PLCXD2: variants seen among roughly 807,000 people sequenced by gnomAD.
PLCXD2 encodes PI-PLC X domain-containing protein 2.
Under a neutral mutation model 28.6 loss-of-function variants are expected in PLCXD2, and 21 were observed. The observed-to-expected ratio is 0.73, with a 90% CI of 0.52 to 1.06. PLCXD2 has a LOEUF of 1.06. PLCXD2 is among the 50% of genes least tolerant of loss of function. The pLI is 0.00. For synonymous variants in PLCXD2, 140 were observed against 150.1 expected (o/e 0.93, Z 0.49); for missense variants, 369 against 376.7 (o/e 0.98, Z 0.17).
chr3:111,708,135 G>A lies in PLCXD2; in HGVS notation c.373G>A (p.Asp125Asn), dbSNP rs768160911. 1.6e-5 allele frequency: 26 copies of A among 1,614,074 alleles called. No individual in the cohort carries two copies. In the East Asian group the frequency reaches 1.8e-4, roughly 11 times the overall value. Residue 125 changes from aspartate to asparagine, a missense_variant, in exon 2 of 5, where the codon GAC becomes AAC. Physicochemically the swap from Asp to Asn is conservative, Grantham distance 23 (BLOSUM62 1). Coordinates refer to ENST00000477665, the MANE Select transcript of PLCXD2 (RefSeq NM_001185106.1). ...TGTGTCTTCCAAACCAGGGGATGCC[G>A]ACCAGGAGATCTACTTCATCCATGG...
intron 1 of PLCXD2, among the ~76,000 whole-genome samples, chr3:111,680,171 C>T (rs905376490): frequency 2.0e-5 from 3 of 152,196 alleles, no homozygotes; most frequent in East Asian, 1.9e-4. Flanking sequence ...CGCACACCCT[C>T]TTCCCACATG....
At chr3:111,708,439 CT>C in intron 2 of PLCXD2, 53 bp downstream of exon 2, 1 of 1,505,452 alleles carries the variant, frequency 6.6e-7, no homozygotes, top group Non-Finnish European at 9.1e-7. Context: ...ACTCTTCCTG[CT>C]TTTCCTGTAT....
chr3:111,679,551 T>A (rs1193820012), intron 1 of PLCXD2, among the ~76,000 whole-genome samples: 2 of 152,200 alleles, frequency 1.3e-5, no homozygotes, highest in African/African-American at 4.8e-5. Flanking sequence ...ATGGAAAGTA[T>A]GGAGTAAGAA....
At chr3:111,707,722 C>T (rs1408064472) in intron 1 of PLCXD2, among the ~76,000 whole-genome samples, 2 of 152,156 alleles carry the variant, frequency 1.3e-5, no homozygotes, top group Non-Finnish European at 2.9e-5. Flanking sequence ...TATAGTATTA[C>T]CCCAGGCTTA....
intron 1 of PLCXD2, among the ~76,000 whole-genome samples, chr3:111,706,671 A>C (rs560659689): frequency 1.3e-5 from 2 of 151,984 alleles, no homozygotes; most frequent in African/African-American, 4.8e-5. Context: ...ACACAACTAT[A>C]TACTGCCCAC....
intron 3 of PLCXD2, chr3:111,726,606 G>T (rs768747337): frequency 6.6e-6 from 1 of 152,056 alleles, no homozygotes; most frequent in Non-Finnish European, 1.5e-5. Context: ...TTAAAATTTT[G>T]CACATATGCT....
rs1473604095 is a variant in PLCXD2, at chr3:111,708,178, T to C, written c.416T>C (p.Val139Ala). 5 of 1,614,080 alleles carry C rather than the reference T, an allele frequency of 3.1e-6. No individual in the cohort carries two copies. Among genetic ancestry groups the C allele is most frequent in the Non-Finnish European group, 4.2e-6 (5 of 1,180,038 alleles). Residue 139 changes from valine to alanine, a missense_variant, in exon 2 of 5, where the codon GTC becomes GCC. Coordinates refer to ENST00000477665, the MANE Select transcript of PLCXD2 (RefSeq NM_001185106.1). ...ATCCATGGGCTTTTTGGCATCAAGG[T>C]CTGGGATGGGCTGATGGAAATTGAC...
chr3:111,726,557 T>C (rs1359693774), intron 3 of PLCXD2: 3 of 152,188 alleles, frequency 2.0e-5, no homozygotes, highest in Non-Finnish European at 2.9e-5. Context: ...CTAAGTAAAA[T>C]GATAATAATA....
rs1409066431 is a variant in PLCXD2, at chr3:111,675,333, G to A, written c.88G>A (p.Val30Ile). ...CAGCGGGACAAAGACATCATCGGAG[G>A]TCTGCAATGCCGACTGGATGGCCTC... is the stretch of plus-strand genomic sequence containing the variant. Residue 30 changes from valine to isoleucine, a missense_variant, in exon 1 of 5, where the codon GTC (valine) becomes ATC (isoleucine). Coordinates refer to ENST00000477665, the MANE Select transcript of PLCXD2 (RefSeq NM_001185106.1). The A allele has an allele frequency of 5.0e-6, 8 of 1,614,114 alleles. No homozygotes were observed. In the South Asian group the frequency reaches 6.6e-5, roughly 13 times the overall value.
At chr3:111,680,596 T>C (rs1204032164) in intron 1 of PLCXD2, among the ~76,000 whole-genome samples, 3 of 152,226 alleles carry the variant, frequency 2.0e-5, no homozygotes, top group Non-Finnish European at 4.4e-5. Flanking sequence ...GTTCCATTAG[T>C]AGGTTTCACT....
At chr3:111,695,665 T>A (rs1295253985) in intron 1 of PLCXD2, among the ~76,000 whole-genome samples, 1 of 152,200 alleles carries the variant, frequency 6.6e-6, no homozygotes, top group African/African-American at 2.4e-5. Flanking sequence ...TAGGGAAAGA[T>A]TATCTGTTGA....
chr3:111,675,953 C>A (rs1421485299), intron 1 of PLCXD2, among the ~76,000 whole-genome samples: 1 of 152,188 alleles, frequency 6.6e-6, no homozygotes, highest in Non-Finnish European at 1.5e-5. Context: ...TGCAGACTCT[C>A]ATCACAGGCA....
chr3:111,699,231 C>T (rs1008519662), intron 1 of PLCXD2, among the ~76,000 whole-genome samples: 6 of 152,160 alleles, frequency 3.9e-5, no homozygotes, highest in Admixed American at 6.5e-5. Context: ...CTCAATCTTC[C>T]CTCCATGGCT....
intron 2 of PLCXD2, among the ~76,000 whole-genome samples, chr3:111,713,402 A>G (rs184556459): frequency 2.6e-5 from 4 of 152,338 alleles, no homozygotes; most frequent in Non-Finnish European, 5.9e-5. Flanking sequence ...TCCATCTCAC[A>G]TTTTGGTTAT....
intron 2 of PLCXD2, among the ~76,000 whole-genome samples, 190 bp downstream of exon 2, chr3:111,708,576 C>T (rs147425062): frequency 1.4e-4 from 22 of 152,306 alleles, no homozygotes; most frequent in African/African-American, 5.3e-4. Flanking sequence ...TAACACCTGC[C>T]AAATACTTAA....
chr3:111,710,493 T>C (rs1401493527), intron 2 of PLCXD2, among the ~76,000 whole-genome samples: 1 of 152,174 alleles, frequency 6.6e-6, no homozygotes, highest in Non-Finnish European at 1.5e-5. Flanking sequence ...AACTGAGGTA[T>C]GGAGACACTA....
At chr3:111,723,646 T>C (rs1941375356) in intron 3 of PLCXD2, 1 of 152,200 alleles carries the variant, frequency 6.6e-6, no homozygotes, top group East Asian at 1.9e-4. Flanking sequence ...ATCAGCAGAA[T>C]CTCTGCCTCA....
chr3:111,705,725 T>C lies in PLCXD2; in HGVS notation c.164-2201T>C, dbSNP rs149069592. On this transcript the variant is annotated intron_variant, in intron 1 of 4. Transcript: ENST00000477665. ...GTAACTGGGCAGGGATGATACCTCA[T>C]TGTGGTTTTGATTTGCATTTCCTTG... is the stretch of plus-strand genomic sequence containing the variant. Among the ~76,000 whole-genome samples the C allele has an allele frequency of 3.1e-4, 47 of 152,186 alleles. No individual in the cohort carries two copies. In the East Asian group the frequency reaches 8.5e-3, roughly 28 times the overall value.
intron 1 of PLCXD2, among the ~76,000 whole-genome samples, chr3:111,694,243 G>A (rs1431684006): frequency 1.3e-5 from 2 of 152,088 alleles, no homozygotes; most frequent in Non-Finnish European, 2.9e-5. Flanking sequence ...CTTTCCAAGA[G>A]TCTATCTCTA....
Sources: gnomAD v4.1 joint callset for allele counts (sites outside exome capture counted in the v4.1 genomes callset) on GRCh38, gnomAD v4.1.1 for gene constraint, MANE v1.5 for transcripts, NCBI Gene and HGNC (gene_info 2026-07-23, HGNC 2026-07-21) for gene names.